Variants in PCDHGB2 observed in about 807,000 individuals in gnomAD.
PCDHGB2 encodes protocadherin gamma-B2.
Under a neutral mutation model 59.3 loss-of-function variants are expected in PCDHGB2, and 55 were observed. That is an observed-to-expected ratio of 0.93 (90% CI 0.75 to 1.16). The LOEUF is 1.16. Among genes scored for constraint, PCDHGB2 ranks in the 50% most tolerant of loss-of-function variants. The pLI is 0.00. For missense variants in PCDHGB2, 1,228 were observed against 1,198.5 expected (o/e 1.02, Z -0.36); for synonymous variants, 516 against 512.0 (o/e 1.01, Z -0.11).
Position 141,456,470 on chromosome 5 carries a change from A to G in PCDHGB2, c.2422-38337A>G, listed in dbSNP as rs573210902. Among the ~76,000 whole-genome samples, 4 of 152,272 alleles carry G rather than the reference A, an allele frequency of 2.6e-5. No homozygotes were observed. In the East Asian group the frequency reaches 7.7e-4, roughly 29 times the overall value. On this transcript the variant is annotated intron_variant, in intron 1 of 3. Coordinates refer to ENST00000522605, the MANE Select transcript of PCDHGB2 (RefSeq NM_018923.3). ...GTCCAAATATCAATACAAGACATAT[A>G]AGCAAGAGAGTGCTTAATAAAGGGG...
chr5:141,372,402 G>C, intron 1 of PCDHGB2: 1 of 1,614,058 alleles, frequency 6.2e-7, no homozygotes, highest in Non-Finnish European at 8.5e-7. Context: ...TAGCTTGCAA[G>C]AGATACAACC....
At chr5:141,418,433 C>G (rs761824602) in intron 1 of PCDHGB2, 44 of 1,613,938 alleles carry the variant, frequency 2.7e-5, no homozygotes, top group Non-Finnish European at 3.7e-5. Flanking sequence ...TGGCAAATAT[C>G]CAGAATTAGT....
At position 141,361,869 on chromosome 5, in the gene PCDHGB2, G is replaced by T; in HGVS notation, c.1734G>T (p.Val578=). The change falls in exon 1 of 4, where the codon GTG becomes GTT. Residue 578 remains valine, a synonymous_variant. Transcript: ENST00000522605. The part of the protein sequence containing the change: ...GPDGSALFDM[V]PRAAEPGYLV... ...ATGGCTCCGCCCTCTTCGATATGGT[G>T]CCACGCGCCGCAGAGCCCGGCTACC... 1 of 1,611,438 alleles carries T rather than the reference G, an allele frequency of 6.2e-7. No homozygotes were observed. Among genetic ancestry groups the T allele is most frequent in the Non-Finnish European group, 8.5e-7 (1 of 1,179,594 alleles).
At chr5:141,404,224 AAC>A (rs1416261372) in intron 1 of PCDHGB2, 1 of 1,613,704 alleles carries the variant, frequency 6.2e-7, no homozygotes, top group Non-Finnish European at 8.5e-7. Flanking sequence ...CGGTGACTGC[AAC>A]AGACAGAGGA....
chr5:141,501,328 CACACA>C (rs1562200832), intron 2 of PCDHGB2, among the ~76,000 whole-genome samples: 17 of 151,710 alleles, frequency 1.1e-4, no homozygotes, highest in African/African-American at 1.9e-4. Context: ...CACACACACA[CACACA>C]CCCCAAACTC....
At chr5:141,417,718 G>T in intron 1 of PCDHGB2, 1 of 1,304,720 alleles carries the variant, frequency 7.7e-7, no homozygotes. Context: ...GCTCCCGGCT[G>T]CGCAGACCTT....
intron 1 of PCDHGB2, among the ~76,000 whole-genome samples, chr5:141,469,289 A>G (rs2154570270): frequency 6.6e-6 from 1 of 151,932 alleles, no homozygotes; most frequent in South Asian, 2.1e-4. Flanking sequence ...AAAATAAAAC[A>G]AAATAGACTG....
At position 141,486,415 on chromosome 5, in the gene PCDHGB2, T is replaced by C. The variant is rs745877804; in HGVS notation, c.2422-8392T>C. On this transcript the variant is annotated intron_variant, in intron 1 of 3. Transcript: ENST00000522605. The surrounding 1 kb of genome is among the most constrained non-coding windows in gnomAD (Gnocchi z 5.0). ...CCCTGGTGACTGCTGGACCCTTGGA[T>C]CGAGAGGCCAAATCTAGCTATGACA... 6.2e-7 allele frequency: 1 copy of C among 1,614,176 alleles called. No individual in the cohort carries two copies. The highest frequency in any genetic ancestry group is 8.5e-7 in the Non-Finnish European group (1 of 1,180,022).
intron 1 of PCDHGB2, among the ~76,000 whole-genome samples, chr5:141,484,569 AGACT>A (rs1376518478): frequency 1.3e-5 from 2 of 152,106 alleles, no homozygotes; most frequent in African/African-American, 2.4e-5. Context: ...CAATACAATC[AGACT>A]GAGACGGAAG....
At chr5:141,423,100 G>A in intron 1 of PCDHGB2, 1 of 1,613,944 alleles carries the variant, frequency 6.2e-7, no homozygotes, top group Non-Finnish European at 8.5e-7. Context: ...GGAGCACACG[G>A]GCGAGGTGCG....
intron 1 of PCDHGB2, among the ~76,000 whole-genome samples, chr5:141,464,251 C>T (rs1438610569): frequency 1.4e-5 from 2 of 141,396 alleles, no homozygotes; most frequent in Admixed American, 7.5e-5. Flanking sequence ...GGCTACAGAG[C>T]GAGACTCCGT....
At chr5:141,370,718 G>C (rs752810801) in intron 1 of PCDHGB2, 2 of 1,613,818 alleles carry the variant, frequency 1.2e-6, no homozygotes, top group Non-Finnish European at 1.7e-6. Context: ...AATTTGAAAT[G>C]GTTGCTGAAA....
chr5:141,388,577 A>G, intron 1 of PCDHGB2: 1 of 1,613,868 alleles, frequency 6.2e-7, no homozygotes, highest in East Asian at 2.2e-5. Context: ...TACACGTTCT[A>G]GTGACTGATG....
At chr5:141,396,645 A>G (rs1224275677) in intron 1 of PCDHGB2, 1 of 152,172 alleles carries the variant, frequency 6.6e-6, no homozygotes, top group Non-Finnish European at 1.5e-5. Context: ...TAATATTAAT[A>G]GTAAAAACTC....
rs1357530807 is a variant in PCDHGB2, at chr5:141,365,228, G to A, written c.2421+2672G>A. On this transcript the variant is annotated intron_variant, in intron 1 of 3. Coordinates refer to ENST00000522605, the MANE Select transcript of PCDHGB2 (RefSeq NM_018923.3). ...TTTCCAACTTGATTCCAACCTGGGG[G>A]AAATCTCAACTCTACAATCACTGGA... 2.5e-6 allele frequency: 4 copies of A among 1,613,942 alleles called. No homozygotes were observed. In the South Asian group the frequency reaches 3.3e-5, roughly 13 times the overall value.
intron 1 of PCDHGB2, chr5:141,376,964 G>C (rs1365805251): frequency 6.2e-6 from 1 of 160,316 alleles, no homozygotes; most frequent in Non-Finnish European, 1.4e-5. Flanking sequence ...TGGGATTACA[G>C]GCGTGAGCCA....
intron 1 of PCDHGB2, among the ~76,000 whole-genome samples, chr5:141,492,482 A>G (rs1339196127): frequency 6.6e-6 from 1 of 152,182 alleles, no homozygotes; most frequent in Non-Finnish European, 1.5e-5. Context: ...GCGGCCGCCC[A>G]GGACCAGGCG....
At chr5:141,444,152 A>ATTTTTTTTTTTTTTTTT (rs747671382) in intron 1 of PCDHGB2, among the ~76,000 whole-genome samples, 1 of 33,898 alleles carries the variant, frequency 3.0e-5, no homozygotes, top group African/African-American at 1.4e-4. Context: ...TGTGTACTGG[A>ATTTTTTTTTTTTTTTTT]TTTTTTTTTT....
chr5:141,401,765 G>C (rs2094191872), intron 1 of PCDHGB2, among the ~76,000 whole-genome samples: 1 of 152,138 alleles, frequency 6.6e-6, no homozygotes. Context: ...CATGGTATAA[G>C]TCTTTTGCTT....
Sources: gnomAD v4.1 joint callset for allele counts (sites outside exome capture counted in the v4.1 genomes callset) on GRCh38, gnomAD v4.1.1 for gene constraint, Gnocchi (gnomAD v3.1) non-coding constraint, MANE v1.5 for transcripts, NCBI Gene and HGNC (gene_info 2026-07-23, HGNC 2026-07-21) for gene names.